The following NPHP4 variants were observed in gnomAD, a reference collection of about 807,000 sequenced individuals.
NPHP4 encodes nephrocystin 4.
A neutral mutation model predicts 155.8 loss-of-function variants in NPHP4; 151 were observed. That is an observed-to-expected ratio of 0.97 (90% CI 0.85 to 1.11). NPHP4 has a LOEUF of 1.11. Among genes scored for constraint, NPHP4 ranks in the 50% least tolerant of loss-of-function variants. The pLI, the probability that NPHP4 is intolerant of heterozygous loss-of-function variation, is 0.00. For synonymous variants in NPHP4, 845 were observed against 816.8 expected, an observed-to-expected ratio of 1.03 and a Z score of -0.59; for missense variants, 1,956 against 1,925.7, an observed-to-expected ratio of 1.02 and a Z score of -0.29.
chr1:5,894,004 A>G (rs1644271430), intron 16 of NPHP4, among the ~76,000 whole-genome samples: 1 of 152,236 alleles, frequency 6.6e-6, no homozygotes, highest in Non-Finnish European at 1.5e-5. Flanking sequence ...TTATTATAAT[A>G]TTGGAATACA....
intron 23 of NPHP4, among the ~76,000 whole-genome samples, chr1:5,872,833 C>A (rs1378088610): frequency 1.3e-5 from 2 of 152,222 alleles, no homozygotes; most frequent in Non-Finnish European, 2.9e-5. Context: ...GAAGCAGGTG[C>A]CTTACTATAC....
intron 3 of NPHP4, among the ~76,000 whole-genome samples, chr1:5,976,311 C>T (rs889808214): frequency 2.0e-5 from 3 of 152,272 alleles, no homozygotes; most frequent in Middle Eastern, 3.4e-3. Flanking sequence ...CATGAAATGA[C>T]GGCATGCTTC....
chr1:5,863,115 G>T lies in NPHP4; in HGVS notation c.*150C>A. ...AGGTACTACAAAATGACCAGCGCTCGGTCTCTGCTTCCTCAGCCAAGTGCA... is the reference window on the plus strand; with the variant it reads ...AGGTACTACAAAATGACCAGCGCTCTGTCTCTGCTTCCTCAGCCAAGTGCA... On this transcript the variant is annotated 3_prime_UTR_variant, in exon 30 of 30. Transcript: ENST00000378156. 1.3e-6 allele frequency: 1 copy of T among 778,532 alleles called. No homozygotes were observed. The highest frequency in any genetic ancestry group is 1.6e-5 in the South Asian group (1 of 63,642). The allele number at this position is 778,532 out of a possible 1,614,324, so 48.2% of individuals were successfully genotyped here.
chr1:5,865,368 G>A, intron 26 of NPHP4, 95 bp from the exon 27 acceptor site: 1 of 1,181,248 alleles, frequency 8.5e-7, no homozygotes, highest in Admixed American at 2.6e-5. Flanking sequence ...TGGGCAGACA[G>A]GAGGCTGTGC....
chr1:5,971,853 G>A (rs985853222), intron 3 of NPHP4, among the ~76,000 whole-genome samples: 1 of 152,256 alleles, frequency 6.6e-6, no homozygotes, highest in Non-Finnish European at 1.5e-5. Context: ...TGGAGACAGA[G>A]GGAGACGGGC....
chr1:5,869,601 T>C (rs1641794085), intron 23 of NPHP4, among the ~76,000 whole-genome samples: 1 of 152,236 alleles, frequency 6.6e-6, no homozygotes, highest in Non-Finnish European at 1.5e-5. Context: ...ATTCTTTAAG[T>C]AAATGTAAAT....
chr1:5,913,394 G>A (rs755718724), intron 11 of NPHP4, among the ~76,000 whole-genome samples: 10 of 152,158 alleles, frequency 6.6e-5, no homozygotes, highest in Admixed American at 1.3e-4. Context: ...CACCACGGCA[G>A]GTTTCTCCAC....
chr1:5,952,205 G>A (rs1041989138), intron 7 of NPHP4, among the ~76,000 whole-genome samples: 6 of 152,214 alleles, frequency 3.9e-5, no homozygotes, highest in Non-Finnish European at 8.8e-5. Context: ...CCCAAGGTGG[G>A]TGAGATGACC....
At chr1:5,888,110 G>A (rs910506694) in intron 17 of NPHP4, among the ~76,000 whole-genome samples, 1 of 152,220 alleles carries the variant, frequency 6.6e-6, no homozygotes, top group Non-Finnish European at 1.5e-5. Context: ...GCTGGGGTTT[G>A]GCCCAGTTCT....
intron 2 of NPHP4, among the ~76,000 whole-genome samples, chr1:5,980,665 T>C (rs1221675862): frequency 6.6e-6 from 1 of 152,022 alleles, no homozygotes. Context: ...CAGGAGTGGC[T>C]GCGTGGTCAT....
rs1287262748 is a variant in NPHP4 at position 5,933,188 on chromosome 1, G to C, written c.1261C>G (p.Leu421Val). ...GGIQPNPSHCLVYKVPSASMS... is the reference protein window; with the variant it reads ...GGIQPNPSHCVVYKVPSASMS... ...CTGGCTGAGGGTACCTTGTAGACCA[G>C]ACAGTGCGAGGGGTTGGGCTGGATC... Residue 421 changes from leucine (L) to valine (V), a missense_variant, in exon 10 of 30, where the codon CTG becomes GTG. By Grantham distance (32) the Leu-to-Val change is conservative (BLOSUM62 1). Transcript: ENST00000378156. 1 of 1,612,830 alleles carries C rather than the reference G, an allele frequency of 6.2e-7. No homozygotes were observed. Among genetic ancestry groups the C allele is most frequent in the South Asian group, 1.1e-5 (1 of 90,984 alleles).
At chr1:5,959,378 A>C (rs933259329) in intron 6 of NPHP4, among the ~76,000 whole-genome samples, 1 of 152,180 alleles carries the variant, frequency 6.6e-6, no homozygotes. Flanking sequence ...CATGCACCCC[A>C]GGCTCAAGCT....
chr1:5,869,594 C>A (rs751454842), intron 23 of NPHP4, among the ~76,000 whole-genome samples: 1 of 152,198 alleles, frequency 6.6e-6, no homozygotes, highest in African/African-American at 2.4e-5. Flanking sequence ...GAGAAGAATT[C>A]TTTAAGTAAA....
rs540117271 is a variant in NPHP4 at position 5,985,442 on chromosome 1, A to G, written c.135+713T>C. On this transcript the variant is annotated intron_variant, in intron 2 of 29. Coordinates refer to ENST00000378156, the MANE Select transcript of NPHP4 (RefSeq NM_015102.5). ...TCAGGGCCTGGGCCTGAGTGTGCCCAAGGCCGTGGTACATCCAGCCACGCA... is the reference window on the plus strand; with the variant it reads ...TCAGGGCCTGGGCCTGAGTGTGCCCGAGGCCGTGGTACATCCAGCCACGCA... Among the ~76,000 whole-genome samples, 11 of 152,364 alleles carry G rather than the reference A, an allele frequency of 7.2e-5. No homozygotes were observed. The South Asian group carries it at 1.2e-3, about 17-fold the overall frequency.
intron 11 of NPHP4, among the ~76,000 whole-genome samples, chr1:5,922,942 G>A (rs1347220944): frequency 6.6e-6 from 1 of 152,236 alleles, no homozygotes; most frequent in East Asian, 1.9e-4. Context: ...AGGCTACAGT[G>A]AGCTGTGATT....
intron 12 of NPHP4, 98 bp from the exon 13 acceptor site, chr1:5,907,320 C>T: frequency 2.8e-6 from 2 of 723,402 alleles, no homozygotes; most frequent in South Asian, 2.4e-5. Context: ...ACGGGGTAGC[C>T]CTGGATCCAG....
rs1286255762 is a variant in NPHP4 at position 5,969,229 on chromosome 1, G to T, written c.310C>A (p.Pro104Thr). ...PLYFHTSLNHPHIVAVVEVVA... is the reference protein window; with the variant it reads ...PLYFHTSLNHTHIVAVVEVVA... ...ACTTCCACCACAGCCACGATATGAGGGTGGTTTAGGGATGTGTGAAAATAC... is the reference window on the plus strand; with the variant it reads ...ACTTCCACCACAGCCACGATATGAGTGTGGTTTAGGGATGTGTGAAAATAC... Residue 104 changes from proline to threonine, a missense_variant, in exon 4 of 30, where the codon CCT becomes ACT. Transcript: ENST00000378156. The T allele has an allele frequency of 1.3e-6, 2 of 1,582,292 alleles. No individual in the cohort carries two copies. Among genetic ancestry groups the T allele is most frequent in the East Asian group, 4.6e-5 (2 of 43,814 alleles).
chr1:5,964,941 A>ATATATATTTTTTTTTTTTTTTTTT, intron 5 of NPHP4, among the ~76,000 whole-genome samples: 1 of 59,414 alleles, frequency 1.7e-5, no homozygotes, highest in African/African-American at 8.5e-5. Flanking sequence ...ATATATATAT[A>ATATATATTTTTTTTTTTTTTTTTT]TTTTTTTTTT....
intron 16 of NPHP4, among the ~76,000 whole-genome samples, chr1:5,899,089 G>A (rs1644540775): frequency 6.6e-6 from 1 of 152,194 alleles, no homozygotes; most frequent in South Asian, 2.1e-4. Flanking sequence ...TGATGGATGT[G>A]GAAGCTGGCG....
Sources: gnomAD v4.1 joint callset for allele counts (sites outside exome capture counted in the v4.1 genomes callset) on GRCh38, gnomAD v4.1.1 for gene constraint, MANE v1.5 for transcripts, NCBI Gene and HGNC (gene_info 2026-07-23, HGNC 2026-07-21) for gene names.